The following CDC42BPA variants were observed in gnomAD, a reference collection of about 807,000 sequenced individuals.
CDC42BPA encodes the protein serine/threonine-protein kinase MRCK alpha.
Under a neutral mutation model 223.5 loss-of-function variants are expected in CDC42BPA, and 80 were observed. That is an observed-to-expected ratio of 0.36 (90% CI 0.30 to 0.43). CDC42BPA has a LOEUF of 0.43. Among genes scored for constraint, CDC42BPA ranks in the 20% least tolerant of loss-of-function variants. The pLI is 1.00. For synonymous variants in CDC42BPA, 694 were observed against 718.6 expected (o/e 0.97, Z 0.55); for missense variants, 1,743 against 2,099.9 (o/e 0.83, Z 3.32).
chr1:227,251,701 T>A (rs1003488344), intron 2 of CDC42BPA, among the ~76,000 whole-genome samples: 1 of 152,104 alleles, frequency 6.6e-6, no homozygotes, highest in Admixed American at 6.5e-5. Context: ...ACATTTGTTA[T>A]CAGCAAAAAC....
chr1:227,125,602 T>TGAAAAA (rs367953487), intron 11 of CDC42BPA, among the ~76,000 whole-genome samples: 1 of 117,602 alleles, frequency 8.5e-6, no homozygotes. Context: ...GTCTACAAAT[T>TGAAAAA]AAAAAAAAAA....
At position 227,275,172 on chromosome 1, in the gene CDC42BPA, G is replaced by A. The variant is rs182489700; in HGVS notation, c.179-21017C>T. 2.6e-3 allele frequency among the ~76,000 whole-genome samples: 389 copies of A among 150,702 alleles called. 9 individuals carry two copies. The East Asian group carries it at 0.048, about 19-fold the overall frequency. On this transcript the variant is annotated intron_variant, in intron 1 of 36. Coordinates refer to ENST00000366766, the MANE Select transcript of CDC42BPA (RefSeq NM_001394014.1). ...AAATAAAAAATATTTTAAACTAATG[G>A]CTCTTTTAAAAAAGCATTGGAAATT...
chr1:227,291,049 A>G (rs1410030939), intron 1 of CDC42BPA, among the ~76,000 whole-genome samples: 1 of 152,198 alleles, frequency 6.6e-6, no homozygotes, highest in Non-Finnish European at 1.5e-5. Context: ...ATATACCTCA[A>G]TAATCTTATT....
At chr1:227,293,567 G>A (rs1227792724) in intron 1 of CDC42BPA, among the ~76,000 whole-genome samples, 1 of 151,208 alleles carries the variant, frequency 6.6e-6, no homozygotes, top group Non-Finnish European at 1.5e-5. Flanking sequence ...GCTCACGCCT[G>A]TAATCCCAGC....
intron 2 of CDC42BPA, among the ~76,000 whole-genome samples, chr1:227,236,320 G>A (rs764249203): frequency 4.6e-5 from 7 of 152,000 alleles, no homozygotes; most frequent in East Asian, 1.9e-4. Flanking sequence ...TCATCTTAAC[G>A]TGGAATTGGA....
intron 11 of CDC42BPA, among the ~76,000 whole-genome samples, chr1:227,123,458 G>T (rs1689019725): frequency 6.6e-6 from 1 of 152,168 alleles, no homozygotes; most frequent in Non-Finnish European, 1.5e-5. Context: ...GCACTGTATG[G>T]CATGGAAGAG....
intron 15 of CDC42BPA, among the ~76,000 whole-genome samples, chr1:227,092,236 G>A (rs1225571609): frequency 6.6e-6 from 1 of 152,142 alleles, no homozygotes; most frequent in Non-Finnish European, 1.5e-5. Flanking sequence ...TGCTTACTAG[G>A]TGCCAAGGAA....
chr1:227,190,042 C>A (rs1485022979), intron 5 of CDC42BPA, among the ~76,000 whole-genome samples: 1 of 152,196 alleles, frequency 6.6e-6, no homozygotes, highest in Non-Finnish European at 1.5e-5. Context: ...ACCAAAATCT[C>A]TTTACAAATT....
Position 227,246,074 on chromosome 1 carries a change from C to A in CDC42BPA, c.270+7990G>T, listed in dbSNP as rs181208340. Among the ~76,000 whole-genome samples, 7 of 152,292 alleles carry A rather than the reference C, an allele frequency of 4.6e-5. No individual in the cohort carries two copies. In the East Asian group the frequency reaches 1.2e-3, roughly 25 times the overall value. On this transcript the variant is annotated intron_variant, in intron 2 of 36. Transcript: ENST00000366766. ...CTCTGGGCCAGAGGGGGGCCCACTG[C>A]CTGAAGGGTGAGTCCGAGGCCTGGC...
At chr1:227,140,476 A>T (rs1354228174) in intron 9 of CDC42BPA, among the ~76,000 whole-genome samples, 3 of 152,122 alleles carry the variant, frequency 2.0e-5, no homozygotes, top group African/African-American at 4.8e-5. Flanking sequence ...ATCAAAAGAA[A>T]GAATGTTCCA....
At chr1:227,064,964 G>A (rs1676692316) in intron 21 of CDC42BPA, among the ~76,000 whole-genome samples, 1 of 152,066 alleles carries the variant, frequency 6.6e-6, no homozygotes, top group Admixed American at 6.6e-5. Flanking sequence ...GGGCGTGGTG[G>A]TGGGCACCTG....
chr1:227,211,530 T>C (rs1673894126), intron 3 of CDC42BPA, among the ~76,000 whole-genome samples: 1 of 151,892 alleles, frequency 6.6e-6, no homozygotes, highest in Non-Finnish European at 1.5e-5. Flanking sequence ...CTGAAGAAAA[T>C]GTGATGTGTG....
chr1:227,002,878 C>T (rs1006922681), intron 35 of CDC42BPA, among the ~76,000 whole-genome samples: 1 of 152,196 alleles, frequency 6.6e-6, no homozygotes, highest in African/African-American at 2.4e-5. Context: ...TGATGAGAAA[C>T]CCTGAACCAG....
intron 5 of CDC42BPA, among the ~76,000 whole-genome samples, chr1:227,170,965 A>C (rs776656180): frequency 6.6e-6 from 1 of 152,216 alleles, no homozygotes; most frequent in Non-Finnish European, 1.5e-5. Context: ...TTTCTGGAAG[A>C]AGCAGCAAAA....
intron 23 of CDC42BPA, among the ~76,000 whole-genome samples, chr1:227,045,266 T>A (rs1672203108): frequency 6.6e-6 from 1 of 152,230 alleles, no homozygotes; most frequent in Non-Finnish European, 1.5e-5. Flanking sequence ...TGACAGGGAA[T>A]CAAAAATTCT....
intron 11 of CDC42BPA, among the ~76,000 whole-genome samples, chr1:227,123,785 A>G (rs912013503): frequency 6.6e-6 from 1 of 152,086 alleles, no homozygotes; most frequent in Non-Finnish European, 1.5e-5. Context: ...TCTAATTATA[A>G]TCAGTAAAAA....
intron 23 of CDC42BPA, among the ~76,000 whole-genome samples, chr1:227,044,638 T>C (rs1672045946): frequency 6.6e-6 from 1 of 152,168 alleles, no homozygotes; most frequent in Non-Finnish European, 1.5e-5. Context: ...CTACAGTTTT[T>C]TGATTTGAGA....
At chr1:227,277,149 A>G (rs562672292) in intron 1 of CDC42BPA, among the ~76,000 whole-genome samples, 85 of 152,188 alleles carry the variant, frequency 5.6e-4, no homozygotes, top group African/African-American at 2.0e-3. Context: ...ACAGAAAAAC[A>G]ATCATTGTGA....
chr1:227,188,360 T>A (rs375387162), intron 5 of CDC42BPA, among the ~76,000 whole-genome samples: 23 of 151,260 alleles, frequency 1.5e-4, no homozygotes, highest in South Asian at 1.3e-3. Context: ...AGGGTAACCA[T>A]TAAGAAAAGT....
Sources: allele counts gnomAD v4.1 joint callset (sites outside exome capture counted in the v4.1 genomes callset), GRCh38; gene constraint gnomAD v4.1.1; transcripts MANE v1.5; gene names NCBI Gene and HGNC (gene_info 2026-07-23, HGNC 2026-07-21).